Variants in EIF3M observed in about 807,000 individuals in gnomAD.
The protein encoded by EIF3M is B5 receptor.
In EIF3M, 25 loss-of-function variants were observed where a neutral mutation model predicts 49.7. That is an observed-to-expected ratio of 0.50 (90% CI 0.37 to 0.70). The LOEUF (loss-of-function observed/expected upper bound fraction) is 0.70. Ranked by LOEUF, EIF3M falls within the 30% of genes least tolerant of loss-of-function variation. The pLI, the probability that EIF3M is intolerant of heterozygous loss-of-function variation, is 0.00. For synonymous variants in EIF3M, 156 were observed against 149.8 expected (o/e 1.04, Z -0.30); for missense variants, 350 against 440.0 (o/e 0.80, Z 1.83).
rs1443341346 is a variant in EIF3M at position 32,604,755 on chromosome 11, G to C, written c.*2356G>C. 6.6e-6 allele frequency: 1 copy of C among 152,104 alleles called. No individual in the cohort carries two copies. Among genetic ancestry groups the C allele is most frequent in the Non-Finnish European group, 1.5e-5 (1 of 68,020 alleles). The allele number at this position is 152,104 out of a possible 1,614,324, so 9.4% of individuals were successfully genotyped here. On this transcript the variant is annotated 3_prime_UTR_variant, in exon 11 of 11. Transcript: ENST00000531120. ...TTCATAAATCTTTGTGAAGATCTTT[G>C]GGTACTGCCTTACATTAAAATCTTT...
intron 9 of EIF3M, chr11:32,601,040 T>C (rs892039070): frequency 1.3e-5 from 6 of 468,458 alleles, no homozygotes; most frequent in Non-Finnish European, 2.0e-5. Context: ...TGAAATCACG[T>C]AGAACAAAGA....
Position 32,589,632 on chromosome 11 carries a change from G to GT in EIF3M, c.525dup (p.Lys176Ter). ...CTACTTTATGAGGCACTTGTGGATT[G>GT]TAAGAAGAGGTATTCAAAAGTAATG... On this transcript the variant is annotated frameshift_variant, in exon 5 of 11. Transcript: ENST00000531120. LOFTEE classifies it high-confidence loss of function. 6.2e-7 allele frequency: 1 copy of GT among 1,613,772 alleles called. No individual in the cohort carries two copies. Among genetic ancestry groups the GT allele is most frequent in the Non-Finnish European group, 8.5e-7 (1 of 1,179,816 alleles).
chr11:32,606,006 T>C lies in EIF3M; in HGVS notation c.*3607T>C, dbSNP rs557257246. ...TTAAACTTAAATGAATCTAATTCAT[T>C]GGATATATAAAAAAAAAAGTAAGTG... On this transcript the variant is annotated 3_prime_UTR_variant, in exon 11 of 11. Coordinates refer to ENST00000531120, the MANE Select transcript of EIF3M (RefSeq NM_006360.6). 52 of 111,544 alleles carry C rather than the reference T, an allele frequency of 4.7e-4. No homozygotes were observed. Among genetic ancestry groups the C allele is most frequent in the African/African-American group, 1.7e-3 (52 of 31,278 alleles). 6.9% of individuals were successfully genotyped at this position (111,544 alleles called of 1,614,324 possible). A position where few individuals can be genotyped will look rare whatever the true frequency, so the allele number is the denominator to read the frequency against.
At chr11:32,599,036 T>G (rs1301111749) in intron 8 of EIF3M, among the ~76,000 whole-genome samples, 1 of 151,980 alleles carries the variant, frequency 6.6e-6, no homozygotes, top group African/African-American at 2.4e-5. Flanking sequence ...ATATTTTTTA[T>G]TTTAATTCTA....
At chr11:32,598,550 T>G (rs1344300984) in intron 8 of EIF3M, among the ~76,000 whole-genome samples, 1 of 151,972 alleles carries the variant, frequency 6.6e-6, no homozygotes, top group Non-Finnish European at 1.5e-5. Context: ...GTCCTAAGGG[T>G]TTTAAGTTTG....
At position 32,596,063 on chromosome 11, in the gene EIF3M, T is replaced by C; in HGVS notation, c.799+16T>C. ...GATTCACTTGGTAAGTTTTGGGGTT[T>C]ATTCTTTGAGGCACAGAGGTGGGAA... On this transcript the variant is annotated intron_variant, in intron 8 of 10. Transcript: ENST00000531120. The C allele has an allele frequency of 6.5e-7, 1 of 1,535,050 alleles. No individual in the cohort carries two copies. The highest frequency in any genetic ancestry group is 8.7e-7 in the Non-Finnish European group (1 of 1,148,572).
chr11:32,600,591 A>G, intron 8 of EIF3M, 98 bp from the exon 9 acceptor site: 7 of 1,335,734 alleles, frequency 5.2e-6, no homozygotes, highest in Non-Finnish European at 6.8e-6. Flanking sequence ...CCACAATTAC[A>G]AAAGTAAAAA....
At position 32,595,917 on chromosome 11, in the gene EIF3M, A is replaced by C. The variant is rs1037319432; in HGVS notation, c.718-49A>C. 6 of 1,293,092 alleles carry C rather than the reference A, an allele frequency of 4.6e-6. No homozygotes were observed. The Admixed American group carries it at 1.4e-4, about 31-fold the overall frequency. The allele number at this position is 1,293,092 out of a possible 1,614,324, so 80.1% of individuals were successfully genotyped here. On this transcript the variant is annotated intron_variant, in intron 7 of 10. Transcript: ENST00000531120. Reference sequence around the variant, plus strand: ...CAATATCTTAGAATATCTTACAATAAATCTGAATTCTGTATTGATGGTATC... The same window carrying C: ...CAATATCTTAGAATATCTTACAATACATCTGAATTCTGTATTGATGGTATC...
chr11:32,594,175 G>T, intron 6 of EIF3M: 2 of 336,204 alleles, frequency 5.9e-6, no homozygotes, highest in African/African-American at 2.1e-5. Context: ...CTGGCGGGGG[G>T]GGTATTGCTG....
Position 32,602,732 on chromosome 11 carries a change from A to G in EIF3M, c.*333A>G. ...AAAGACAAACTGTAGAGCTTTAAAT[A>G]CAACAGTCATTTTATTCTAGTAAAA... On this transcript the variant is annotated 3_prime_UTR_variant, in exon 11 of 11. Transcript: ENST00000531120. 9.0e-7 allele frequency: 1 copy of G among 1,114,698 alleles called. No individual in the cohort carries two copies. The highest frequency in any genetic ancestry group is 1.7e-5 in the South Asian group (1 of 59,558). The allele number at this position is 1,114,698 out of a possible 1,614,324, so 69.1% of individuals were successfully genotyped here.
chr11:32,586,734 A>G (rs1260545537), intron 1 of EIF3M, among the ~76,000 whole-genome samples: 2 of 152,212 alleles, frequency 1.3e-5, no homozygotes, highest in Admixed American at 6.5e-5. Context: ...TTTTTGCTGT[A>G]TGCTGGAAGT....
chr11:32,599,002 G>A (rs1364574235), intron 8 of EIF3M, among the ~76,000 whole-genome samples: 2 of 151,942 alleles, frequency 1.3e-5, no homozygotes, highest in Non-Finnish European at 2.9e-5. Flanking sequence ...ATGCTTTTCA[G>A]AAAACATCTT....
rs1164474644 is a variant in EIF3M, at chr11:32,594,931, T to G, written c.635T>G (p.Leu212Trp). Residue 212 changes from leucine (L) to tryptophan (W), a missense_variant, in exon 7 of 11, where the codon TTG (leucine) becomes TGG (tryptophan). Transcript: ENST00000531120. The part of the protein sequence containing the change: ...VDAHRCIVRA[L>W]KDPNAFLFDH... Reference sequence around the variant, plus strand: ...TAATTAAGGTGTATTGTACGAGCATTGAAAGATCCAAATGCATTTCTTTTT... The same window carrying G: ...TAATTAAGGTGTATTGTACGAGCATGGAAAGATCCAAATGCATTTCTTTTT... The G allele has an allele frequency of 1.2e-6, 2 of 1,613,394 alleles. No individual in the cohort carries two copies. Among genetic ancestry groups the G allele is most frequent in the Non-Finnish European group, 1.7e-6 (2 of 1,179,800 alleles).
chr11:32,603,808 C>A lies in EIF3M; in HGVS notation c.*1409C>A. ...AGGAATACTGGGCCAGGCACTGTGA[C>A]TCATACCTGTAATCCCAGCACTTTG... On this transcript the variant is annotated 3_prime_UTR_variant, in exon 11 of 11. Transcript: ENST00000531120. 6.6e-6 allele frequency: 1 copy of A among 152,386 alleles called. No individual in the cohort carries two copies. The highest frequency in any genetic ancestry group is 1.5e-5 in the Non-Finnish European group (1 of 68,112). 9.4% of individuals were successfully genotyped at this position (152,386 alleles called of 1,614,324 possible). A position where few individuals can be genotyped will look rare whatever the true frequency, so the allele number is the denominator to read the frequency against.
intron 1 of EIF3M, 127 bp from the exon 2 acceptor site, chr11:32,586,885 T>C: frequency 7.9e-7 from 1 of 1,265,454 alleles, no homozygotes; most frequent in Non-Finnish European, 1.1e-6. Flanking sequence ...GAGGGAGGGG[T>C]CTTCAACATT....
At chr11:32,596,456 G>A (rs370521698) in intron 8 of EIF3M, among the ~76,000 whole-genome samples, 215 of 152,122 alleles carry the variant, frequency 1.4e-3, no homozygotes, top group Non-Finnish European at 2.2e-3. Flanking sequence ...TTAGCCGGGC[G>A]CGGTGGCGGG....
At chr11:32,587,451 C>G (rs1196026036) in intron 2 of EIF3M, among the ~76,000 whole-genome samples, 1 of 152,212 alleles carries the variant, frequency 6.6e-6, no homozygotes, top group Non-Finnish European at 1.5e-5. Context: ...CAGTTCTCTT[C>G]TAGCTCTTTC....
intron 8 of EIF3M, among the ~76,000 whole-genome samples, chr11:32,599,217 T>C (rs1855224694): frequency 6.6e-6 from 1 of 152,046 alleles, no homozygotes; most frequent in Admixed American, 6.6e-5. Context: ...AATCTGGTGT[T>C]ATCCAGTTGC....
At chr11:32,588,842 A>T (rs201877) in intron 3 of EIF3M, 110 bp downstream of exon 3, 657,282 of 1,556,702 alleles carry the variant, frequency 0.42, 142,456 homozygotes, top group Middle Eastern at 0.47. Context: ...GCTGTGGCTC[A>T]TATTAGCTGT....
Sources: gnomAD v4.1 joint callset for allele counts (sites outside exome capture counted in the v4.1 genomes callset) on GRCh38, gnomAD v4.1.1 for gene constraint, MANE v1.5 for transcripts, NCBI Gene and HGNC (gene_info 2026-07-23, HGNC 2026-07-21) for gene names.